CTDP1: variants seen among roughly 807,000 people sequenced by gnomAD.
CTDP1 encodes the protein RNA polymerase II subunit A C-terminal domain phosphatase.
A neutral mutation model predicts 91.8 loss-of-function variants in CTDP1; 47 were observed. The observed-to-expected ratio is 0.51, with a 90% CI of 0.41 to 0.65. The LOEUF (loss-of-function observed/expected upper bound fraction) is 0.65, where lower values mean the gene tolerates loss of function less well. Among genes scored for constraint, CTDP1 ranks in the 30% least tolerant of loss-of-function variants. The pLI is 0.00. For synonymous variants in CTDP1, 656 were observed against 598.5 expected (o/e 1.10, Z -1.40); for missense variants, 1,272 against 1,373.7 (o/e 0.93, Z 1.17).
intron 11 of CTDP1, among the ~76,000 whole-genome samples, chr18:79,735,397 A>G (rs1332788629): frequency 1.3e-5 from 2 of 152,214 alleles, no homozygotes; most frequent in Non-Finnish European, 2.9e-5. Flanking sequence ...GACGCCCTCA[A>G]CGTCGGAGAG....
At chr18:79,697,747 G>C in intron 3 of CTDP1, 113 bp from the exon 4 acceptor site, 1 of 1,500,330 alleles carries the variant, frequency 6.7e-7, no homozygotes, top group Admixed American at 1.7e-5. Context: ...CATGGAGCGT[G>C]GGGGGCTGGA....
intron 12 of CTDP1, among the ~76,000 whole-genome samples, chr18:79,749,111 TCAAA>T (rs1210484909): frequency 3.9e-5 from 6 of 152,236 alleles, no homozygotes; most frequent in Admixed American, 1.3e-4. Flanking sequence ...TTTCTAAACC[TCAAA>T]CAGAGAGTCA....
intron 11 of CTDP1, among the ~76,000 whole-genome samples, chr18:79,730,293 T>C (rs998502872): frequency 1.3e-5 from 2 of 152,188 alleles, no homozygotes; most frequent in Non-Finnish European, 2.9e-5. Context: ...TAAGGAACAG[T>C]CACCTGCCTA....
chr18:79,679,484 T>C (rs1249067890), upstream of CTDP1: 2 of 456,548 alleles, frequency 4.4e-6, no homozygotes, highest in South Asian at 3.1e-5. Context: ...GATGGGGTAA[T>C]GGCACGCAGG....
chr18:79,695,523 G>A (rs1050249302), intron 2 of CTDP1, among the ~76,000 whole-genome samples: 1 of 152,222 alleles, frequency 6.6e-6, no homozygotes, highest in East Asian at 1.9e-4. Context: ...CCATTCTCAG[G>A]TGTGGTGGGG....
chr18:79,684,776 G>A (rs1019031027), intron 1 of CTDP1, among the ~76,000 whole-genome samples: 4 of 152,220 alleles, frequency 2.6e-5, no homozygotes, highest in African/African-American at 7.2e-5. Context: ...CTAGATTGTC[G>A]TTTTGATCTT....
Position 79,736,471 on chromosome 18 carries a change from C to G in CTDP1, c.2697C>G (p.Leu899=), listed in dbSNP as rs932837936. The part of the protein sequence containing the change: ...RKPGTRRERT[L]GAPASSERSA... Reference sequence around the variant, plus strand: ...CAGGGACCCGCAGGGAGCGGACGCTCGGGGCACCTGCGTCCAGCGAGAGGA... The same window carrying G: ...CAGGGACCCGCAGGGAGCGGACGCTGGGGGCACCTGCGTCCAGCGAGAGGA... Residue 899 remains leucine, a synonymous_variant, in exon 12 of 13, where the codon CTC becomes CTG. Transcript: ENST00000613122. 1.3e-6 allele frequency: 2 copies of G among 1,548,650 alleles called. No homozygotes were observed. Among genetic ancestry groups the G allele is most frequent in the Non-Finnish European group, 1.7e-6 (2 of 1,146,812 alleles).
chr18:79,703,198 A>G (rs1235996620), intron 4 of CTDP1: 1 of 152,222 alleles, frequency 6.6e-6, no homozygotes, highest in Non-Finnish European at 1.5e-5. Context: ...ACTAACTTAG[A>G]GCTAGAAAAA....
chr18:79,753,806 A>G lies in CTDP1; in HGVS notation c.*16A>G, dbSNP rs868116135. 6.2e-7 allele frequency: 1 copy of G among 1,611,620 alleles called. No individual in the cohort carries two copies. The highest frequency in any genetic ancestry group is 1.9e-4 in the Middle Eastern group (1 of 5,326). ...CCTCATGTGAGCGCGGGCAGCGGGC[A>G]GGGACTGAAGCCTGACCGACCTCCA... On this transcript the variant is annotated 3_prime_UTR_variant, in exon 13 of 13. Coordinates refer to ENST00000613122, the MANE Select transcript of CTDP1 (RefSeq NM_004715.5).
In CTDP1 at chr18:79,747,805, G is replaced by A. The variant is rs79980725; in HGVS notation, c.2748-5847G>A. On this transcript the variant is annotated intron_variant, in intron 12 of 12. Coordinates refer to ENST00000613122, the MANE Select transcript of CTDP1 (RefSeq NM_004715.5). ...TCCCTTTTGTTCCCGCGGCCACGCT[G>A]GCAGTGGCCACGGGAACCCTGTGCC... is the stretch of plus-strand genomic sequence containing the variant. Among the ~76,000 whole-genome samples, 761 of 152,272 alleles carry A rather than the reference G, an allele frequency of 5.0e-3. 27 individuals are homozygous for A. The East Asian group carries it at 0.077, about 15-fold the overall frequency.
chr18:79,689,482 T>G (rs1167346095), intron 1 of CTDP1, among the ~76,000 whole-genome samples: 2 of 149,792 alleles, frequency 1.3e-5, no homozygotes, highest in African/African-American at 4.8e-5. Flanking sequence ...TTTGGTTGAC[T>G]TTCTGCCGTA....
chr18:79,679,165 C>G (rs2085297568), upstream of CTDP1: 1 of 320,980 alleles, frequency 3.1e-6, no homozygotes, highest in East Asian at 1.0e-4. Context: ...GCGCCTTGCC[C>G]CAGACGGGCC....
chr18:79,680,056 G>A lies in CTDP1; in HGVS notation c.109G>A (p.Val37Met). The change falls in exon 1 of 13, where the codon GTG (valine) becomes ATG (methionine). Residue 37 changes from valine (V) to methionine (M), a missense_variant. Val to Met is a conservative substitution (Grantham distance 21, BLOSUM62 1). Around this residue, in one of 3 missense-constraint regions of CTDP1, gnomAD observed 214 missense variants for 179.1 expected, o/e 1.19. Coordinates refer to ENST00000613122, the MANE Select transcript of CTDP1 (RefSeq NM_004715.5). ...PAPLRLLEWR[V>M]AAGAAVRIGS... ...GCCGCTGCGCCTGCTGGAGTGGAGG[G>A]TGGCGGCGGGCGCGGCCGTGCGCAT... 4 of 1,253,396 alleles carry A rather than the reference G, an allele frequency of 3.2e-6. No individual in the cohort carries two copies. The highest frequency in any genetic ancestry group is 3.4e-5 in the East Asian group (1 of 29,648). The allele number at this position is 1,253,396 out of a possible 1,614,324, so 77.6% of individuals were successfully genotyped here. A position where few individuals can be genotyped will look rare whatever the true frequency, so the allele number is the denominator to read the frequency against.
Position 79,753,541 on chromosome 18 carries a change from G to A in CTDP1, c.2748-111G>A, listed in dbSNP as rs57240212. 497 of 1,536,588 alleles carry A rather than the reference G, an allele frequency of 3.2e-4. 1 individual carries two copies. The African/African-American group carries it at 6.1e-3, about 19-fold the overall frequency. On this transcript the variant is annotated intron_variant, in intron 12 of 12. Transcript: ENST00000613122. ...TGTGTGTGTCCTTGACCAGAGAATTGTGCCGTCTTGTGTTAAAACCACGGA... is the reference window on the plus strand; with the variant it reads ...TGTGTGTGTCCTTGACCAGAGAATTATGCCGTCTTGTGTTAAAACCACGGA...
intron 1 of CTDP1, among the ~76,000 whole-genome samples, chr18:79,684,869 G>C (rs9966777): frequency 3.0e-4 from 45 of 151,112 alleles, no homozygotes; most frequent in African/African-American, 9.9e-4. Flanking sequence ...AGAAACTGAG[G>C]TTCCAAGAAG....
At chr18:79,707,921 G>A (rs1222089974) in intron 5 of CTDP1, among the ~76,000 whole-genome samples, 1 of 152,214 alleles carries the variant, frequency 6.6e-6, no homozygotes, top group African/African-American at 2.4e-5. Context: ...GATGTTAAGA[G>A]TTTGCGATGC....
At chr18:79,695,382 G>A (rs990965328) in intron 2 of CTDP1, 74 bp downstream of exon 2, 10 of 1,385,620 alleles carry the variant, frequency 7.2e-6, no homozygotes, top group Non-Finnish European at 1.0e-5. Flanking sequence ...CCGAGAAGCT[G>A]TGCTGGGAAC....
chr18:79,724,798 A>G (rs1011599748), intron 10 of CTDP1, among the ~76,000 whole-genome samples: 15 of 152,206 alleles, frequency 9.9e-5, no homozygotes, highest in African/African-American at 1.9e-4. Context: ...TAAAAGTTCT[A>G]TAGTCTTTCA....
At position 79,719,101 on chromosome 18, in the gene CTDP1, G is replaced by A. The variant is rs112704741; in HGVS notation, c.2417+1085G>A. 7.7e-3 allele frequency among the ~76,000 whole-genome samples: 1,167 copies of A among 152,350 alleles called. 9 individuals are homozygous for A. The highest frequency in any genetic ancestry group is 0.012 in the Non-Finnish European group (812 of 68,024). On this transcript the variant is annotated intron_variant, in intron 10 of 12. Transcript: ENST00000613122. ...CTGGGTGGACAGGTGAGAAGGCCCC[G>A]CCAGGCACCGCGGCAAAGCCCAGCC...
Sources: gnomAD v4.1 joint callset for allele counts (sites outside exome capture counted in the v4.1 genomes callset) on GRCh38, gnomAD v4.1.1 for gene constraint, gnomAD v4.1.1 regional missense constraint, MANE v1.5 for transcripts, NCBI Gene and HGNC (gene_info 2026-07-23, HGNC 2026-07-21) for gene names.